CFD: variants seen among roughly 807,000 people sequenced by gnomAD.
CFD encodes C3 convertase activator.
A neutral mutation model predicts 21.1 loss-of-function variants in CFD; 24 were observed. That is an observed-to-expected ratio of 1.14 (90% CI 0.82 to 1.60). The LOEUF (loss-of-function observed/expected upper bound fraction) is 1.60. Among genes scored for constraint, CFD ranks in the 40% most tolerant of loss-of-function variants. The pLI is 0.00. For synonymous variants in CFD, 242 were observed against 175.9 expected (o/e 1.38, Z -2.97); for missense variants, 535 against 383.3 (o/e 1.40, Z -3.31).
At position 863,509 on chromosome 19, in the gene CFD, G is replaced by A. The variant is rs2035842142; in HGVS notation, c.*271G>A. On this transcript the variant is annotated 3_prime_UTR_variant, in exon 5 of 5. Coordinates refer to ENST00000327726, the MANE Select transcript of CFD (RefSeq NM_001928.4). ...TCCAGCTACTCAGGAGGCTGAGGTG[G>A]GAGGATGACTTGAACGCAGGAGGCT... is the stretch of plus-strand genomic sequence containing the variant. The A allele has an allele frequency of 5.7e-6, 3 of 522,346 alleles. No individual in the cohort carries two copies. The highest frequency in any genetic ancestry group is 6.3e-5 in the Admixed American group (2 of 31,790). 32.4% of individuals were successfully genotyped at this position (522,346 alleles called of 1,614,324 possible). A position where few individuals can be genotyped will look rare whatever the true frequency, so the allele number is the denominator to read the frequency against.
chr19:861,942 CG>C lies in CFD; in HGVS notation c.604del (p.Asp202ThrfsTer110). On this transcript the variant is annotated frameshift_variant, in exon 4 of 5. Coordinates refer to ENST00000327726, the MANE Select transcript of CFD (RefSeq NM_001928.4). LOFTEE classifies it low-confidence loss of function (END_TRUNC). The stretch of plus-strand genomic sequence containing the variant: ...CTTGATGTGCGCGGAGAGCAATCGC[CG>C]GGACAGCTGCAAGGTGAGCCTTCAG... ...ERLMCAESNR[R>X]DSCKGDSGGP... is the part of the protein sequence containing the mutation. 6.4e-7 allele frequency: 1 copy of C among 1,551,600 alleles called. No individual in the cohort carries two copies.
In CFD at chr19:863,446, C is replaced by T. The variant is rs2035840839; in HGVS notation, c.*208C>T. 6.4e-6 allele frequency: 4 copies of T among 628,528 alleles called. No homozygotes were observed. Among genetic ancestry groups the T allele is most frequent in the South Asian group, 3.7e-5 (2 of 53,372 alleles). The allele number at this position is 628,528 out of a possible 1,614,324, so 38.9% of individuals were successfully genotyped here. A position where few individuals can be genotyped will look rare whatever the true frequency, so the allele number is the denominator to read the frequency against. On this transcript the variant is annotated 3_prime_UTR_variant, in exon 5 of 5. Transcript: ENST00000327726. ...TCTCTACAAATAAATAAAAAATTAG[C>T]TGGGCAATTGGCGGGCATGGAGGTG...
At chr19:861,629 C>G in intron 3 of CFD, 70 bp from the exon 4 acceptor site, 4 of 1,531,898 alleles carry the variant, frequency 2.6e-6, no homozygotes, top group Non-Finnish European at 3.5e-6. Context: ...CCCGTCTCCC[C>G]GAGCCTAGCG....
rs770407653 is a variant in CFD, at chr19:861,736, C to A, written c.395C>A (p.Pro132His). 3.1e-6 allele frequency: 5 copies of A among 1,604,922 alleles called. No homozygotes were observed. The highest frequency in any genetic ancestry group is 4.2e-6 in the Non-Finnish European group (5 of 1,177,680). Residue 132 changes from proline (P) to histidine (H), a missense_variant, in exon 4 of 5, where the codon CCC becomes CAC. Transcript: ENST00000327726. ...GCCACACTGGGCCCTGCTGTGCGCCCCCTGCCCTGGCAGCGCGTGGACCGC... is the reference window on the plus strand; with the variant it reads ...GCCACACTGGGCCCTGCTGTGCGCCACCTGCCCTGGCAGCGCGTGGACCGC... Reference protein sequence around the residue: ...EKATLGPAVRPLPWQRVDRDV... With the variant: ...EKATLGPAVRHLPWQRVDRDV...
chr19:859,757 G>C lies in CFD; in HGVS notation c.55+13G>C. On this transcript the variant is annotated intron_variant, in intron 1 of 4. Transcript: ENST00000327726. ...GCGGCCGCCTGCGGTGAGGAGGCCT[G>C]GGCCTGGGGTGAGGGACAGGGCTGT... 1 of 1,561,546 alleles carries C rather than the reference G, an allele frequency of 6.4e-7. No individual in the cohort carries two copies. The highest frequency in any genetic ancestry group is 8.7e-7 in the Non-Finnish European group (1 of 1,151,758).
At position 859,752 on chromosome 19, in the gene CFD, G is replaced by C. The variant is rs1321742927; in HGVS notation, c.55+8G>C. On this transcript the variant is annotated splice_region_variant and intron_variant, in intron 1 of 4. Coordinates refer to ENST00000327726, the MANE Select transcript of CFD (RefSeq NM_001928.4). The stretch of plus-strand genomic sequence containing the variant: ...TAGGAGCGGCCGCCTGCGGTGAGGA[G>C]GCCTGGGCCTGGGGTGAGGGACAGG... 6.4e-7 allele frequency: 1 copy of C among 1,562,636 alleles called. No homozygotes were observed. Among genetic ancestry groups the C allele is most frequent in the Admixed American group, 1.9e-5 (1 of 52,610 alleles).
At chr19:860,538 G>C in intron 1 of CFD, 79 bp from the exon 2 acceptor site, 5 of 1,324,534 alleles carry the variant, frequency 3.8e-6, no homozygotes, top group Non-Finnish European at 4.8e-6. Context: ...CCTGGGGGGT[G>C]AGAGCTGGGA....
At chr19:859,829 C>A in intron 1 of CFD, 85 bp downstream of exon 1, 1 of 1,069,388 alleles carries the variant, frequency 9.4e-7, no homozygotes, top group Non-Finnish European at 1.4e-6. Context: ...TCCTCCAGCC[C>A]CTCCAGGTGG....
intron 4 of CFD, 145 bp from the exon 5 acceptor site, chr19:862,947 G>A (rs1007597962): frequency 2.5e-6 from 2 of 790,862 alleles, no homozygotes; most frequent in Non-Finnish European, 2.0e-6. Flanking sequence ...GCGTGGCGCG[G>A]GGCTATTGAC....
intron 1 of CFD, 102 bp downstream of exon 1, chr19:859,846 A>AG: frequency 1.2e-6 from 1 of 837,120 alleles, no homozygotes; most frequent in Non-Finnish European, 2.0e-6. Context: ...GTGGGCAGGA[A>AG]GGGGGTGTCT....
rs1042490586 is a variant in CFD at position 863,496 on chromosome 19, G to A, written c.*258G>A. 4 of 543,234 alleles carry A rather than the reference G, an allele frequency of 7.4e-6. No homozygotes were observed. The highest frequency in any genetic ancestry group is 3.8e-5 in the African/African-American group (2 of 52,738). 33.7% of individuals were successfully genotyped at this position (543,234 alleles called of 1,614,324 possible). ...GGGTGCTTGTAGTTCCAGCTACTCAGGAGGCTGAGGTGGGAGGATGACTTG... is the reference window on the plus strand; with the variant it reads ...GGGTGCTTGTAGTTCCAGCTACTCAAGAGGCTGAGGTGGGAGGATGACTTG... On this transcript the variant is annotated 3_prime_UTR_variant, in exon 5 of 5. Coordinates refer to ENST00000327726, the MANE Select transcript of CFD (RefSeq NM_001928.4).
Position 861,936 on chromosome 19 carries a change from A to C in CFD, c.595A>C (p.Asn199His). 3 of 1,555,732 alleles carry C rather than the reference A, an allele frequency of 1.9e-6. No homozygotes were observed. The highest frequency in any genetic ancestry group is 2.6e-6 in the Non-Finnish European group (3 of 1,157,950). ...CGAGCGCTTGATGTGCGCGGAGAGC[A>C]ATCGCCGGGACAGCTGCAAGGTGAG... Reference protein sequence around the residue: ...ITERLMCAESNRRDSCKGDSG... With the variant: ...ITERLMCAESHRRDSCKGDSG... Residue 199 changes from asparagine (N) to histidine (H), a missense_variant, in exon 4 of 5, where the codon AAT (asparagine) becomes CAT (histidine). Coordinates refer to ENST00000327726, the MANE Select transcript of CFD (RefSeq NM_001928.4).
At position 861,762 on chromosome 19, in the gene CFD, G is replaced by C. The variant is rs2035797988; in HGVS notation, c.421G>C (p.Asp141His). The C allele has an allele frequency of 1.2e-6, 2 of 1,606,068 alleles. No individual in the cohort carries two copies. The highest frequency in any genetic ancestry group is 8.5e-7 in the Non-Finnish European group (1 of 1,178,676). Residue 141 changes from aspartate (D) to histidine (H), a missense_variant, in exon 4 of 5, where the codon GAC becomes CAC. Transcript: ENST00000327726. ...CCTGCCCTGGCAGCGCGTGGACCGCGACGTGGCACCGGGAACTCTCTGCGA... is the reference window on the plus strand; with the variant it reads ...CCTGCCCTGGCAGCGCGTGGACCGCCACGTGGCACCGGGAACTCTCTGCGA... ...RPLPWQRVDR[D>H]VAPGTLCDVA...
chr19:860,826 G>T, intron 2 of CFD, 35 bp from the exon 3 acceptor site: 1 of 1,555,858 alleles, frequency 6.4e-7, no homozygotes, highest in Non-Finnish European at 8.6e-7. Context: ...GGGGGAGTCG[G>T]CTGGCACCGA....
At chr19:860,177 C>G (rs1412116179) in intron 1 of CFD, among the ~76,000 whole-genome samples, 1 of 151,256 alleles carries the variant, frequency 6.6e-6, no homozygotes, top group East Asian at 1.9e-4. Context: ...AAGACGGAAA[C>G]GGGATTCTTT....
intron 4 of CFD, among the ~76,000 whole-genome samples, chr19:862,726 G>T (rs1316546066): frequency 6.6e-6 from 1 of 151,854 alleles, no homozygotes; most frequent in Non-Finnish European, 1.5e-5. Flanking sequence ...AGAGCAGGTG[G>T]CCACTGAGAC....
rs867143584 is a variant in CFD at position 863,598 on chromosome 19, T to C, written c.*360T>C. ...GCCTGGGCAACAGAGTGAAACCTTG[T>C]CTCTCTCTACAAAAAAAAAAAAAAA... On this transcript the variant is annotated 3_prime_UTR_variant, in exon 5 of 5. Transcript: ENST00000327726. 1.9e-5 allele frequency: 4 copies of C among 206,606 alleles called. No individual in the cohort carries two copies. In the South Asian group the frequency reaches 2.6e-4, roughly 13 times the overall value. The allele number at this position is 206,606 out of a possible 1,614,324, so 12.8% of individuals were successfully genotyped here.
In CFD at chr19:860,962, A is replaced by G. The variant is rs754235794; in HGVS notation, c.314A>G (p.Asp105Gly). Residue 105 changes from aspartate to glycine, a missense_variant, in exon 3 of 5, where the codon GAC becomes GGC. Coordinates refer to ENST00000327726, the MANE Select transcript of CFD (RefSeq NM_001928.4). ...YDVLRAVPHP[D>G]SQPDTIDHDL... Reference sequence around the variant, plus strand: ...GTGCTCCGCGCAGTGCCCCACCCGGACAGCCAGCCCGACACCATCGACCAC... The same window carrying G: ...GTGCTCCGCGCAGTGCCCCACCCGGGCAGCCAGCCCGACACCATCGACCAC... The G allele has an allele frequency of 3.1e-6, 5 of 1,600,446 alleles. No individual in the cohort carries two copies. The highest frequency in any genetic ancestry group is 3.4e-6 in the Non-Finnish European group (4 of 1,179,534).
At chr19:862,062 G>A in intron 4 of CFD, 106 bp downstream of exon 4, 1 of 1,448,400 alleles carries the variant, frequency 6.9e-7, no homozygotes, top group East Asian at 2.5e-5. Context: ...CCAGGGAAGG[G>A]GCGGGGCGCG....
Sources: allele counts gnomAD v4.1 joint callset (sites outside exome capture counted in the v4.1 genomes callset), GRCh38; gene constraint gnomAD v4.1.1; transcripts MANE v1.5; gene names NCBI Gene and HGNC (gene_info 2026-07-23, HGNC 2026-07-21).